Variants in TRMT9B observed in about 807,000 individuals in gnomAD.
TRMT9B encodes the protein probable tRNA methyltransferase 9B.
Under a neutral mutation model 11.5 loss-of-function variants are expected in TRMT9B, and 16 were observed. The observed-to-expected ratio is 1.39, with a 90% CI of 0.94 to 2.11. TRMT9B has a LOEUF of 2.11. Among genes scored for constraint, TRMT9B ranks in the 30% most tolerant of loss-of-function variants. The probability of loss-of-function intolerance (pLI) is 0.00; values close to 1 mark genes in which losing one functional copy is unlikely to be tolerated. For missense variants in TRMT9B, 941 were observed against 553.8 expected (o/e 1.70, Z -7.02); for synonymous variants, 274 against 192.4 (o/e 1.42, Z -3.51).
chr8:12,980,551 G>C (rs1256999920), intron 1 of TRMT9B, among the ~76,000 whole-genome samples: 2 of 152,080 alleles, frequency 1.3e-5, no homozygotes, highest in Non-Finnish European at 2.9e-5. Context: ...CATCCCCCCA[G>C]CACTGCACAC....
intron 1 of TRMT9B, among the ~76,000 whole-genome samples, chr8:12,980,912 G>A (rs1403802516): frequency 6.6e-6 from 1 of 152,210 alleles, no homozygotes; most frequent in Non-Finnish European, 1.5e-5. Flanking sequence ...AATCCAGGAA[G>A]TCACTATGCG....
At chr8:12,981,715 T>G (rs764848247) in intron 1 of TRMT9B, among the ~76,000 whole-genome samples, 49 of 152,028 alleles carry the variant, frequency 3.2e-4, no homozygotes, top group Non-Finnish European at 6.9e-4. Flanking sequence ...TCATCCAGCC[T>G]CAGTCTCCTG....
In TRMT9B at chr8:13,028,723, A is replaced by G. The variant is rs186908437; in HGVS notation, c.*6679A>G. On this transcript the variant is annotated 3_prime_UTR_variant, in exon 5 of 5. Transcript: ENST00000524591. ...CCTGAATAGCTGGGATTACAGGAAC[A>G]TGCCACCACTCCTGGCTAATTTTTG... 116 of 154,044 alleles carry G rather than the reference A, an allele frequency of 7.5e-4. No homozygotes were observed. The highest frequency in any genetic ancestry group is 1.2e-3 in the Non-Finnish European group (83 of 67,918). The allele number at this position is 154,044 out of a possible 1,614,324, so 9.5% of individuals were successfully genotyped here. A position where few individuals can be genotyped will look rare whatever the true frequency, so the allele number is the denominator to read the frequency against.
At chr8:12,948,822 T>C (rs1269297584) in intron 1 of TRMT9B, among the ~76,000 whole-genome samples, 2 of 152,062 alleles carry the variant, frequency 1.3e-5, no homozygotes, top group East Asian at 1.9e-4. Flanking sequence ...TAGCCGGGCA[T>C]GGTGGCAGGC....
At chr8:12,974,020 A>T (rs938963759) in intron 1 of TRMT9B, among the ~76,000 whole-genome samples, 14 of 152,046 alleles carry the variant, frequency 9.2e-5, no homozygotes, top group African/African-American at 2.4e-4. Context: ...TTTTTTTTTT[A>T]AAAAGCTAGG....
chr8:12,954,148 G>A (rs1482536257), intron 1 of TRMT9B, among the ~76,000 whole-genome samples: 1 of 152,220 alleles, frequency 6.6e-6, no homozygotes, highest in Non-Finnish European at 1.5e-5. Context: ...AGGTCAATGG[G>A]AGTGGGGATC....
At chr8:12,970,499 C>T (rs1803449652) in intron 1 of TRMT9B, among the ~76,000 whole-genome samples, 1 of 152,140 alleles carries the variant, frequency 6.6e-6, no homozygotes, top group South Asian at 2.1e-4. Flanking sequence ...ACGTGGACTC[C>T]GTTGTTCAGA....
intron 1 of TRMT9B, among the ~76,000 whole-genome samples, chr8:12,968,447 A>G (rs1213343932): frequency 2.6e-5 from 4 of 152,226 alleles, no homozygotes; most frequent in Non-Finnish European, 5.9e-5. Context: ...CAGACATTTT[A>G]GCAATTTCTG....
chr8:12,991,759 C>G (rs1251634343), intron 2 of TRMT9B, among the ~76,000 whole-genome samples: 1 of 152,022 alleles, frequency 6.6e-6, no homozygotes, highest in African/African-American at 2.4e-5. Context: ...ATGGTGACCC[C>G]GTCTCTACTA....
At chr8:12,999,099 G>C (rs538434647) in intron 2 of TRMT9B, among the ~76,000 whole-genome samples, 1 of 152,164 alleles carries the variant, frequency 6.6e-6, no homozygotes, top group Non-Finnish European at 1.5e-5. Context: ...AGATGTTCAA[G>C]ACCAGCCTAA....
At position 13,021,361 on chromosome 8, in the gene TRMT9B, A is replaced by T; in HGVS notation, c.682A>T (p.Asn228Tyr). The T allele has an allele frequency of 1.2e-6, 2 of 1,614,084 alleles. No individual in the cohort carries two copies. Among genetic ancestry groups the T allele is most frequent in the Non-Finnish European group, 1.7e-6 (2 of 1,179,906 alleles). ...TGCTATGGCAAGAACCTGTTTTGCA[A>T]ATATTTCTAAGGAAGGCGAGGAAGA... ...EPAMARTCFA[N>Y]ISKEGEEEYG... The change falls in exon 5 of 5, where the codon AAT (asparagine) becomes TAT (tyrosine). Residue 228 changes from asparagine to tyrosine, a missense_variant. Transcript: ENST00000524591.
intron 2 of TRMT9B, among the ~76,000 whole-genome samples, chr8:12,993,560 C>G (rs1462160541): frequency 1.3e-5 from 2 of 152,162 alleles, no homozygotes; most frequent in Admixed American, 1.3e-4. Context: ...ACCAGTTAGA[C>G]TAGCTGAGAT....
chr8:13,015,218 AATTTTTTATTTTT>A (rs1812410267), intron 4 of TRMT9B, among the ~76,000 whole-genome samples: 2 of 151,580 alleles, frequency 1.3e-5, no homozygotes, highest in African/African-American at 2.4e-5. Flanking sequence ...ATGATTCAAG[AATTTTTTATTTTT>A]ATTTTTTATT....
At chr8:12,976,459 G>A (rs1804465596) in intron 1 of TRMT9B, among the ~76,000 whole-genome samples, 3 of 151,938 alleles carry the variant, frequency 2.0e-5, no homozygotes, top group African/African-American at 4.8e-5. Context: ...TAGCATATGG[G>A]CCGGGTGCAG....
At chr8:13,011,521 C>G (rs949442790) in intron 3 of TRMT9B, 7 of 964,016 alleles carry the variant, frequency 7.3e-6, no homozygotes, top group Non-Finnish European at 8.6e-6. Context: ...CTAATGATTT[C>G]TTTTAATATT....
intron 1 of TRMT9B, among the ~76,000 whole-genome samples, chr8:12,979,082 G>A (rs572370852): frequency 6.6e-6 from 1 of 152,206 alleles, no homozygotes; most frequent in African/African-American, 2.4e-5. Flanking sequence ...GAACGTGGTG[G>A]TGTGGAATGG....
intron 1 of TRMT9B, chr8:12,951,236 G>A (rs2128855941): frequency 6.6e-6 from 1 of 152,302 alleles, no homozygotes; most frequent in African/African-American, 2.4e-5. Flanking sequence ...GATTTGGAGC[G>A]TCTAAGCCGT....
At chr8:13,010,746 G>GA in intron 3 of TRMT9B, 1 of 984,440 alleles carries the variant, frequency 1.0e-6, no homozygotes, top group Non-Finnish European at 1.2e-6. Context: ...TCGAGCCAAT[G>GA]AAAAAGCAAA....
At chr8:13,003,288 G>A (rs866514476) in intron 2 of TRMT9B, among the ~76,000 whole-genome samples, 2 of 152,054 alleles carry the variant, frequency 1.3e-5, no homozygotes, top group Non-Finnish European at 2.9e-5. Flanking sequence ...GCCACAACCC[G>A]AGTCCCTGGC....
Sources: allele counts gnomAD v4.1 joint callset (sites outside exome capture counted in the v4.1 genomes callset), GRCh38; gene constraint gnomAD v4.1.1; transcripts MANE v1.5; gene names NCBI Gene and HGNC (gene_info 2026-07-23, HGNC 2026-07-21).